Variants in EGFR observed in about 807,000 individuals in gnomAD.
EGFR encodes the protein epidermal growth factor receptor, also known as avian erythroblastic leukemia viral (v-erb-b) oncogene homolog.
A neutral mutation model predicts 143.0 loss-of-function variants in EGFR; 58 were observed. That is an observed-to-expected ratio of 0.41 (90% confidence interval 0.33 to 0.50). The LOEUF is 0.50. EGFR is among the 20% of genes least tolerant of loss of function. The pLI is 0.39. For synonymous variants in EGFR, 613 were observed against 594.4 expected (o/e 1.03, Z -0.45); for missense variants, 1,307 against 1,579.0 (o/e 0.83, Z 2.92).
intron 8 of EGFR, 59 bp downstream of exon 8, chr7:55,156,005 C>A: frequency 8.5e-7 from 1 of 1,170,230 alleles, no homozygotes; most frequent in Non-Finnish European, 1.3e-6. Flanking sequence ...GCTGGGCTCT[C>A]ATGCCACCTC....
intron 1 of EGFR, among the ~76,000 whole-genome samples, chr7:55,088,602 G>A (rs1790908379): frequency 6.6e-6 from 1 of 152,170 alleles, no homozygotes; most frequent in South Asian, 2.1e-4. Flanking sequence ...AAATTACAGG[G>A]GAGTTCCTCT....
At position 55,061,305 on chromosome 7, in the gene EGFR, C is replaced by T. The variant is rs1325642990; in HGVS notation, c.88+41940C>T. Among the ~76,000 whole-genome samples, 8 of 152,320 alleles carry T rather than the reference C, an allele frequency of 5.3e-5. No individual in the cohort carries two copies. The South Asian group carries it at 1.7e-3, about 32-fold the overall frequency. On this transcript the variant is annotated intron_variant, in intron 1 of 27. Coordinates refer to ENST00000275493, the MANE Select transcript of EGFR (RefSeq NM_005228.5). The stretch of plus-strand genomic sequence containing the variant: ...CTCCAGGCCTTCACAAACTGGCCCA[C>T]CCACGAGAAGGAAAGCAATTGTCCA...
chr7:55,107,764 T>C (rs933696493), intron 1 of EGFR, among the ~76,000 whole-genome samples: 4 of 152,250 alleles, frequency 2.6e-5, no homozygotes, highest in African/African-American at 9.6e-5. Context: ...GCCTATATGC[T>C]ATATAGAGTT....
chr7:55,134,849 G>A (rs1794049236), intron 1 of EGFR, among the ~76,000 whole-genome samples: 2 of 152,190 alleles, frequency 1.3e-5, no homozygotes, highest in African/African-American at 4.8e-5. Context: ...TGATTTCTGA[G>A]GCCCTTTCAT....
chr7:55,058,886 C>T (rs1657433888), intron 1 of EGFR, among the ~76,000 whole-genome samples: 1 of 152,156 alleles, frequency 6.6e-6, no homozygotes. Flanking sequence ...AAGAATTTAA[C>T]TTGGTAAATG....
At chr7:55,149,853 A>C (rs1228452703) in intron 4 of EGFR, among the ~76,000 whole-genome samples, 1 of 152,218 alleles carries the variant, frequency 6.6e-6, no homozygotes, top group African/African-American at 2.4e-5. Flanking sequence ...GTTAGATAGA[A>C]GCATATTTAA....
At chr7:55,093,138 T>G (rs1791228163) in intron 1 of EGFR, among the ~76,000 whole-genome samples, 1 of 152,204 alleles carries the variant, frequency 6.6e-6, no homozygotes, top group Non-Finnish European at 1.5e-5. Context: ...AACTGACATC[T>G]AGAAGAAAAT....
At chr7:55,145,123 A>C (rs1794694785) in intron 3 of EGFR, among the ~76,000 whole-genome samples, 3 of 151,854 alleles carry the variant, frequency 2.0e-5, no homozygotes, top group African/African-American at 7.3e-5. Context: ...AGCCTCCCTC[A>C]CGTGTGCTGG....
At chr7:55,203,434 G>A (rs200720288) in intron 27 of EGFR, among the ~76,000 whole-genome samples, 6,802 of 49,152 alleles carry the variant, frequency 0.14, 173 homozygotes, top group African/African-American at 0.16. Context: ...ACACAGACAC[G>A]TACACACACT....
chr7:55,073,041 T>G (rs984752690), intron 1 of EGFR, among the ~76,000 whole-genome samples: 3 of 152,238 alleles, frequency 2.0e-5, no homozygotes, highest in Admixed American at 2.0e-4. Context: ...TCTTGGAGGC[T>G]GAGCTTTTGG....
chr7:55,201,013 C>G (rs545936947), intron 24 of EGFR, among the ~76,000 whole-genome samples, 175 bp from the exon 25 acceptor site: 11 of 152,176 alleles, frequency 7.2e-5, no homozygotes, highest in South Asian at 4.2e-4. Context: ...TTTAAGGCAC[C>G]CACATCATGT....
chr7:55,195,012 C>T (rs1787559443), intron 22 of EGFR, among the ~76,000 whole-genome samples: 1 of 152,234 alleles, frequency 6.6e-6, no homozygotes, highest in Non-Finnish European at 1.5e-5. Flanking sequence ...CAACACCTTC[C>T]AGCCCATTCT....
chr7:55,044,941 C>T (rs922837963), intron 1 of EGFR, among the ~76,000 whole-genome samples: 2 of 151,304 alleles, frequency 1.3e-5, no homozygotes, highest in African/African-American at 4.8e-5. Flanking sequence ...TTGTTGTTTA[C>T]GTGGCCCTGT....
At chr7:55,196,193 T>TTTTTTTTTTTTTA (rs1554354441) in intron 22 of EGFR, among the ~76,000 whole-genome samples, 2 of 141,220 alleles carry the variant, frequency 1.4e-5, no homozygotes, top group Non-Finnish European at 3.1e-5. Context: ...TTTTTTTTTT[T>TTTTTTTTTTTTTA]ACTTTTCAAT....
chr7:55,195,547 T>C (rs1787579602), intron 22 of EGFR, among the ~76,000 whole-genome samples: 1 of 152,206 alleles, frequency 6.6e-6, no homozygotes, highest in Admixed American at 6.5e-5. Flanking sequence ...GGTTCAGGGG[T>C]ACATGTGCAG....
intron 15 of EGFR, chr7:55,170,166 GA>G (rs1395710335): frequency 5.7e-5 from 84 of 1,468,332 alleles, no homozygotes; most frequent in Non-Finnish European, 7.5e-5. Flanking sequence ...GGAGCACCCA[GA>G]CCCCCAAATT....
At position 55,211,251 on chromosome 7, in the gene EGFR, C is replaced by T. The variant is rs187013050; in HGVS notation, c.*5634C>T. 6.6e-6 allele frequency: 1 copy of T among 152,202 alleles called. No homozygotes were observed. Among genetic ancestry groups the T allele is most frequent in the Admixed American group, 6.5e-5 (1 of 15,292 alleles). 9.4% of individuals were successfully genotyped at this position (152,202 alleles called of 1,614,324 possible). A position where few individuals can be genotyped will look rare whatever the true frequency, so the allele number is the denominator to read the frequency against. The stretch of plus-strand genomic sequence containing the variant: ...ACTTATCTTTAAAAAAAAAGGAATC[C>T]TATGACCTGATTTGGCCACAAAAAT... On this transcript the variant is annotated 3_prime_UTR_variant, in exon 28 of 28. Coordinates refer to ENST00000275493, the MANE Select transcript of EGFR (RefSeq NM_005228.5).
intron 1 of EGFR, among the ~76,000 whole-genome samples, chr7:55,042,417 T>C (rs1484558873): frequency 1.3e-5 from 2 of 152,182 alleles, no homozygotes; most frequent in Non-Finnish European, 2.9e-5. Context: ...AGGAACTACT[T>C]AAAGAAAGAA....
chr7:55,196,562 G>T (rs1787627379), intron 22 of EGFR, among the ~76,000 whole-genome samples: 1 of 152,016 alleles, frequency 6.6e-6, no homozygotes, highest in Non-Finnish European at 1.5e-5. Context: ...TGTTGCAATT[G>T]CTTGATGTGT....
Sources: allele counts gnomAD v4.1 joint callset (sites outside exome capture counted in the v4.1 genomes callset), GRCh38; gene constraint gnomAD v4.1.1; transcripts MANE v1.5; gene names NCBI Gene and HGNC (gene_info 2026-07-23, HGNC 2026-07-21).